Variants in DNAH6 observed in about 807,000 individuals in gnomAD.
DNAH6 encodes dynein axonemal heavy chain 6.
In DNAH6, 340 loss-of-function variants were observed where a neutral mutation model predicts 491.4. The observed-to-expected ratio is 0.69, with a 90% CI of 0.63 to 0.76. DNAH6 has a LOEUF of 0.76. Ranked by LOEUF, DNAH6 falls within the 30% of genes least tolerant of loss-of-function variation. DNAH6 has a pLI of 0.00. For synonymous variants in DNAH6, 1,603 were observed against 1,686.1 expected (o/e 0.95, Z 1.21); for missense variants, 4,443 against 4,972.2 (o/e 0.89, Z 3.20).
At chr2:84,482,712 C>A in the DNAH6 span, among the ~76,000 whole-genome samples, 1 of 152,228 alleles carries the variant, frequency 6.6e-6, no homozygotes, top group Non-Finnish European at 1.5e-5. Context: ...CAGGGCCTAG[C>A]AGATGTGGCT....
At chr2:84,516,297 G>A (rs566671294), upstream of DNAH6, among the ~76,000 whole-genome samples, 3 of 152,164 alleles carry the variant, frequency 2.0e-5, no homozygotes, top group South Asian at 6.2e-4. Context: ...TCAATTCCCA[G>A]CGCAGAGGAG....
At chr2:84,750,541 A>G (rs950420934) in intron 63 of DNAH6, among the ~76,000 whole-genome samples, 51 of 152,236 alleles carry the variant, frequency 3.4e-4, no homozygotes, top group African/African-American at 1.2e-3. Flanking sequence ...TTGAATTACT[A>G]AAGGATAAGA....
intron 42 of DNAH6, among the ~76,000 whole-genome samples, chr2:84,683,412 A>ATT (rs61217837): frequency 0.033 from 3,100 of 93,670 alleles, 550 homozygotes; most frequent in African/African-American, 0.12. Context: ...CACCACTCTT[A>ATT]TTTTTTTTTT....
chr2:84,775,699 G>C (rs1676052402), intron 64 of DNAH6, among the ~76,000 whole-genome samples: 1 of 152,108 alleles, frequency 6.6e-6, no homozygotes, highest in Admixed American at 6.6e-5. Flanking sequence ...TTATTGGTCT[G>C]TTCAGGATTT....
chr2:84,641,938 T>A lies in DNAH6; in HGVS notation c.4971-9T>A. ...TGTGATATTATCCGAAATATTCCTT[T>A]AAATTTAGATCTTTAAAAAGAGAAA... On this transcript the variant is annotated splice_polypyrimidine_tract_variant and intron_variant, in intron 32 of 76. Transcript: ENST00000389394. 1 of 1,544,692 alleles carries A rather than the reference T, an allele frequency of 6.5e-7. No homozygotes were observed.
In DNAH6 at chr2:84,727,893, A is replaced by C; in HGVS notation, c.10197A>C (p.Gly3399=). ...EWNFFLRGSA[G]LEKERPPKPE... is the part of the protein sequence containing the mutation. ...ATTTCTTTCTCCGAGGTTCTGCAGG[A>C]TTGGAAAAGGTACCTGATTCCCATT... The change falls in exon 61 of 77, where the codon GGA becomes GGC. Residue 3399 remains glycine (G), a synonymous_variant. Transcript: ENST00000389394. 1 of 1,547,912 alleles carries C rather than the reference A, an allele frequency of 6.5e-7. No individual in the cohort carries two copies.
chr2:84,757,469 A>G (rs1263421262), intron 63 of DNAH6, among the ~76,000 whole-genome samples: 1 of 152,214 alleles, frequency 6.6e-6, no homozygotes, highest in African/African-American at 2.4e-5. Context: ...ATGTCAAGCC[A>G]GGAAATCTTC....
intron 13 of DNAH6, 72 bp from the exon 14 acceptor site, chr2:84,579,455 G>C: frequency 6.6e-7 from 1 of 1,524,380 alleles, no homozygotes; most frequent in Non-Finnish European, 9.0e-7. Context: ...AATCCAATTA[G>C]GATTTGTCTG....
intron 62 of DNAH6, among the ~76,000 whole-genome samples, chr2:84,741,859 C>G (rs912347431): frequency 3.9e-5 from 6 of 152,198 alleles, no homozygotes; most frequent in Non-Finnish European, 7.3e-5. Context: ...ATATGTCAGG[C>G]ACAAGGCCCT....
chr2:84,765,707 A>G (rs937558451), intron 64 of DNAH6, among the ~76,000 whole-genome samples: 1 of 152,106 alleles, frequency 6.6e-6, no homozygotes, highest in Admixed American at 6.5e-5. Context: ...AAGTCAAACT[A>G]GAGAGTAGAA....
At chr2:84,703,287 A>T in intron 49 of DNAH6, 108 bp from the exon 50 acceptor site, 1 of 802,958 alleles carries the variant, frequency 1.2e-6, no homozygotes, top group Non-Finnish European at 1.8e-6. Context: ...AAACTGATTT[A>T]ACAATTCTGT....
chr2:84,788,289 TTCCTTC>T (rs1264191506), intron 68 of DNAH6, among the ~76,000 whole-genome samples: 1 of 152,174 alleles, frequency 6.6e-6, no homozygotes, highest in African/African-American at 2.4e-5. Context: ...CATTTTCCTT[TTCCTTC>T]TCCCTCTCCT....
chr2:84,570,825 A>C (rs927582869), intron 11 of DNAH6, among the ~76,000 whole-genome samples: 1 of 152,132 alleles, frequency 6.6e-6, no homozygotes, highest in Non-Finnish European at 1.5e-5. Context: ...CTTCTCAATA[A>C]ATGTTGCTGC....
intron 46 of DNAH6, among the ~76,000 whole-genome samples, chr2:84,696,762 G>A (rs1202604517): frequency 9.2e-5 from 14 of 151,978 alleles, no homozygotes; most frequent in African/African-American, 2.9e-4. Flanking sequence ...AAGGGTAAAC[G>A]AGAGATTGCT....
chr2:84,459,919 A>C, the DNAH6 span: 2 of 152,292 alleles, frequency 1.3e-5, no homozygotes, highest in Admixed American at 1.3e-4. Flanking sequence ...TTTTTTAGTT[A>C]AATAATCATG....
chr2:84,786,479 A>G (rs1273476666), intron 67 of DNAH6, among the ~76,000 whole-genome samples: 1 of 151,852 alleles, frequency 6.6e-6, no homozygotes, highest in Non-Finnish European at 1.5e-5. Flanking sequence ...AATAGGTTAA[A>G]AGGTCTTAGA....
chr2:84,600,964 A>AAT (rs1214282004), intron 18 of DNAH6, among the ~76,000 whole-genome samples: 1,551 of 142,422 alleles, frequency 0.011, 28 homozygotes, highest in African/African-American at 0.04. Flanking sequence ...AAGGAATAAT[A>AAT]ACACTATATT....
intron 11 of DNAH6, among the ~76,000 whole-genome samples, chr2:84,567,879 AT>A (rs1337755946): frequency 1.3e-5 from 2 of 152,240 alleles, no homozygotes; most frequent in Admixed American, 6.5e-5. Flanking sequence ...AATAGGAAAA[AT>A]TTTTGCAATC....
chr2:84,529,922 GC>G (rs1429819596), intron 4 of DNAH6, among the ~76,000 whole-genome samples: 2 of 152,168 alleles, frequency 1.3e-5, no homozygotes, highest in Admixed American at 1.3e-4. Flanking sequence ...CAGCTCTCCT[GC>G]TGCAGAAAAT....
Sources: gnomAD v4.1 joint callset for allele counts (sites outside exome capture counted in the v4.1 genomes callset) on GRCh38, gnomAD v4.1.1 for gene constraint, MANE v1.5 for transcripts, NCBI Gene and HGNC (gene_info 2026-07-23, HGNC 2026-07-21) for gene names.